Variants in PSPH observed in about 807,000 individuals in gnomAD.
PSPH encodes the protein L-3-phosphoserine phosphatase.
Under a neutral mutation model 23.4 loss-of-function variants are expected in PSPH, and 16 were observed. The observed-to-expected ratio is 0.68, with a 90% CI of 0.46 to 1.04. The LOEUF is 1.04. Ranked by LOEUF, PSPH falls within the 50% of genes least tolerant of loss-of-function variation. The probability of loss-of-function intolerance (pLI) is 0.00; values close to 1 mark genes in which losing one functional copy is unlikely to be tolerated. For synonymous variants in PSPH, 68 were observed against 99.7 expected, an observed-to-expected ratio of 0.68 and a Z score of 1.89; for missense variants, 223 against 273.7, an observed-to-expected ratio of 0.81 and a Z score of 1.31.
At chr7:56,013,153 GTA>G (rs1228051176) in intron 7 of PSPH, among the ~76,000 whole-genome samples, 21 of 72,762 alleles carry the variant, frequency 2.9e-4, no homozygotes, top group African/African-American at 8.0e-4. Context: ...ATGTGTATGT[GTA>G]TACACACACA....
chr7:56,039,774 C>T (rs79589702), intron 1 of PSPH, among the ~76,000 whole-genome samples: 2 of 64,990 alleles, frequency 3.1e-5, no homozygotes, highest in African/African-American at 1.3e-4. Flanking sequence ...GACTCTGTCT[C>T]AAAAAAAAAA....
chr7:56,041,980 T>A (rs1457975477), intron 1 of PSPH, among the ~76,000 whole-genome samples: 2 of 151,452 alleles, frequency 1.3e-5, no homozygotes, highest in Non-Finnish European at 2.9e-5. Context: ...CCCAGCACTT[T>A]GGGTGGCCGA....
rs1793061897 is a variant in PSPH at position 56,045,115 on chromosome 7, T to C, written c.-292+6023A>G. ...AATAGAATTCTTGAATCCATACTGA[T>C]ACAAATTCATTCATTCAGTCAGTCA... On this transcript the variant is annotated intron_variant, in intron 1 of 7. Coordinates refer to ENST00000275605, the MANE Select transcript of PSPH (RefSeq NM_004577.4). Among the ~76,000 whole-genome samples, 3 of 148,426 alleles carry C rather than the reference T, an allele frequency of 2.0e-5. No individual in the cohort carries two copies. The Admixed American group carries it at 2.0e-4, about 10-fold the overall frequency.
rs1253579440 is a variant in PSPH at position 56,015,087 on chromosome 7, A to G, written c.506T>C (p.Phe169Ser). 1.2e-6 allele frequency: 2 copies of G among 1,614,122 alleles called. No homozygotes were observed. The highest frequency in any genetic ancestry group is 3.3e-5 in the Admixed American group (2 of 60,008). ...GKVIKLLKEK[F>S]HFKKIIMIGD... ...AATCATGATTATTTTCTTAAAATGA[A>G]ATTTTTCCTTTAAAAGTTTAATCAC... The change falls in exon 7 of 8, where the codon TTT becomes TCT. Residue 169 changes from phenylalanine to serine, a missense_variant. Coordinates refer to ENST00000275605, the MANE Select transcript of PSPH (RefSeq NM_004577.4).
intron 1 of PSPH, among the ~76,000 whole-genome samples, chr7:56,041,183 G>T (rs1792477689): frequency 6.7e-6 from 1 of 150,176 alleles, no homozygotes; most frequent in African/African-American, 2.4e-5. Flanking sequence ...GATTATCATA[G>T]CAAGACTCTA....
chr7:56,036,551 C>T (rs1311230385), intron 1 of PSPH, among the ~76,000 whole-genome samples: 1 of 145,108 alleles, frequency 6.9e-6, no homozygotes, highest in Non-Finnish European at 1.5e-5. Context: ...ATCATTTGAG[C>T]CCAGGATTTC....
chr7:56,031,062 T>C (rs1790917052), intron 3 of PSPH, among the ~76,000 whole-genome samples: 1 of 147,746 alleles, frequency 6.8e-6, no homozygotes, highest in South Asian at 2.2e-4. Flanking sequence ...ATATAAAAAA[T>C]TAGCCGGGCG....
intron 1 of PSPH, among the ~76,000 whole-genome samples, chr7:56,041,923 C>CA (rs566233786): frequency 7.7e-4 from 105 of 136,842 alleles, no homozygotes; most frequent in South Asian, 1.4e-3. Flanking sequence ...GACTCTGTCT[C>CA]AAAAAAAAAA....
chr7:56,021,035 C>A, intron 4 of PSPH, 38 bp downstream of exon 4: 6 of 1,613,620 alleles, frequency 3.7e-6, no homozygotes, highest in Non-Finnish European at 4.2e-6. Context: ...TTTAGAAAGT[C>A]TTTATCATTT....
intron 3 of PSPH, among the ~76,000 whole-genome samples, chr7:56,023,075 C>G (rs1203248028): frequency 1.3e-5 from 2 of 151,762 alleles, no homozygotes; most frequent in East Asian, 1.9e-4. Flanking sequence ...AAGAAAAAAT[C>G]ATAAAAATAA....
Position 56,031,143 on chromosome 7 carries a change from G to A in PSPH, c.-20+786C>T, listed in dbSNP as rs377238473. Among the ~76,000 whole-genome samples the A allele has an allele frequency of 2.6e-5, 4 of 151,652 alleles. No individual in the cohort carries two copies. The East Asian group carries it at 7.8e-4, about 29-fold the overall frequency. ...GGAGAATGGCGTGAACCCGGGAAGC[G>A]GAGCTTGCAGTGAGCCGAGATTCCG... On this transcript the variant is annotated intron_variant, in intron 3 of 7. Transcript: ENST00000275605.
chr7:56,035,577 A>C lies in PSPH; in HGVS notation c.-291-1471T>G, dbSNP rs547650945. On this transcript the variant is annotated intron_variant, in intron 1 of 7. Coordinates refer to ENST00000275605, the MANE Select transcript of PSPH (RefSeq NM_004577.4). ...AATCCCTGGGGCAGGACACTTGGTC[A>C]CAGCATCTCTACCCTTAGCTACAGG... Among the ~76,000 whole-genome samples the C allele has an allele frequency of 1.2e-3, 185 of 152,136 alleles. 1 individual carries two copies. The highest frequency in any genetic ancestry group is 4.6e-4 in the Non-Finnish European group (31 of 68,000).
At chr7:56,027,845 A>G (rs1019533753) in intron 3 of PSPH, among the ~76,000 whole-genome samples, 5 of 142,558 alleles carry the variant, frequency 3.5e-5, no homozygotes, top group Non-Finnish European at 6.1e-5. Context: ...TGAGCCCAGG[A>G]GTTTGAGATC....
chr7:56,035,994 C>T (rs902384925), intron 1 of PSPH, among the ~76,000 whole-genome samples: 8 of 151,910 alleles, frequency 5.3e-5, no homozygotes, highest in African/African-American at 1.9e-4. Flanking sequence ...TTTGGGAGGC[C>T]GAGGTGGGTG....
At position 56,048,850 on chromosome 7, in the gene PSPH, T is replaced by C. The variant is rs146016718; in HGVS notation, c.-292+2288A>G. ...GGATATATGTGCAGAATGAGCAGTT[T>C]TGTTAGATAGGTATACATATCCCAT... is the stretch of plus-strand genomic sequence containing the variant. On this transcript the variant is annotated intron_variant, in intron 1 of 7. Transcript: ENST00000275605. Among the ~76,000 whole-genome samples, 7 of 151,834 alleles carry C rather than the reference T, an allele frequency of 4.6e-5. No individual in the cohort carries two copies. The East Asian group carries it at 1.2e-3, about 25-fold the overall frequency.
intron 1 of PSPH, among the ~76,000 whole-genome samples, chr7:56,039,712 G>T (rs1210565169): frequency 6.8e-6 from 1 of 147,848 alleles, no homozygotes; most frequent in Non-Finnish European, 1.5e-5. Flanking sequence ...GGAAGTGGAG[G>T]TTGCAGTAAG....
At chr7:56,045,664 G>A (rs567364740) in intron 1 of PSPH, among the ~76,000 whole-genome samples, 1 of 151,984 alleles carries the variant, frequency 6.6e-6, no homozygotes, top group African/African-American at 2.4e-5. Context: ...GAGGCAGGTG[G>A]ATCATGAGGT....
At chr7:56,032,569 A>G (rs112498802) in intron 2 of PSPH, among the ~76,000 whole-genome samples, 39,545 of 151,034 alleles carry the variant, frequency 0.26, 5,375 homozygotes, top group East Asian at 0.41. Flanking sequence ...CTGAGGCAGG[A>G]GAATGGCATG....
chr7:56,033,216 G>A (rs1791261701), intron 2 of PSPH: 1 of 152,042 alleles, frequency 6.6e-6, no homozygotes, highest in Admixed American at 6.6e-5. Context: ...ATAGTGACCA[G>A]GTACAGTGGT....
Sources: gnomAD v4.1 joint callset for allele counts (sites outside exome capture counted in the v4.1 genomes callset) on GRCh38, gnomAD v4.1.1 for gene constraint, MANE v1.5 for transcripts, NCBI Gene and HGNC (gene_info 2026-07-23, HGNC 2026-07-21) for gene names.